NUAK1: variants seen among roughly 807,000 people sequenced by gnomAD.
NUAK1 encodes NUAK family SNF1-like kinase 1.
A neutral mutation model predicts 56.9 loss-of-function variants in NUAK1; 26 were observed. The ratio of observed to expected loss-of-function variants is 0.46; its 90% CI spans 0.33 to 0.63. The LOEUF is 0.63. NUAK1 is among the 30% of genes least tolerant of loss of function. The pLI is 0.02. For missense variants in NUAK1, 727 were observed against 876.1 expected (o/e 0.83, Z 2.15); for synonymous variants, 337 against 336.0 (o/e 1.00, Z -0.03).
At position 106,121,117 on chromosome 12, in the gene NUAK1, G is replaced by A. The variant is rs779972120; in HGVS notation, c.241-14592C>T. Among the ~76,000 whole-genome samples, 172 of 152,282 alleles carry A rather than the reference G, an allele frequency of 1.1e-3. 1 individual carries two copies. Among genetic ancestry groups the A allele is most frequent in the Non-Finnish European group, 8.7e-4 (59 of 68,026 alleles). On this transcript the variant is annotated intron_variant, in intron 1 of 6. Coordinates refer to ENST00000261402, the MANE Select transcript of NUAK1 (RefSeq NM_014840.3). ...CAGGCCTGAGAACTAGCCACATAGC[G>A]GAAAGAACCCACAGCGGGGTCAGGC...
At chr12:106,085,335 T>G (rs957958680) in intron 3 of NUAK1, among the ~76,000 whole-genome samples, 1 of 152,270 alleles carries the variant, frequency 6.6e-6, no homozygotes, top group African/African-American at 2.4e-5. Context: ...GAGCACATTT[T>G]GAGTCAACAA....
intron 2 of NUAK1, among the ~76,000 whole-genome samples, chr12:106,102,793 G>A (rs7313845): frequency 0.036 from 5,542 of 152,298 alleles, 354 homozygotes; most frequent in African/African-American, 0.13. Context: ...TACCCCAAGT[G>A]TTGTGCCTAG....
At chr12:106,074,075 G>A (rs57805136) in intron 4 of NUAK1, among the ~76,000 whole-genome samples, 2,972 of 151,792 alleles carry the variant, frequency 0.02, 103 homozygotes, top group African/African-American at 0.069. Context: ...ATATATATTT[G>A]CTTTCCCTAC....
chr12:106,099,936 A>G (rs2032731457), intron 2 of NUAK1, among the ~76,000 whole-genome samples: 1 of 151,398 alleles, frequency 6.6e-6, no homozygotes, highest in Non-Finnish European at 1.5e-5. Context: ...GACCACAGGC[A>G]TGCACCATCA....
chr12:106,072,799 G>A lies in NUAK1; in HGVS notation c.624C>T (p.Phe208=). The A allele has an allele frequency of 1.2e-6, 2 of 1,613,984 alleles. No individual in the cohort carries two copies. Among genetic ancestry groups the A allele is most frequent in the Non-Finnish European group, 8.5e-7 (1 of 1,179,964 alleles). ...GTGGACTCCCACAAAACGTTTGTAA[G>A]AACTTATCCTTCTGGTACAGGTTGG... ...GLSNLYQKDK[F]LQTFCGSPLY... The change falls in exon 5 of 7, where the codon TTC becomes TTT. Residue 208 remains phenylalanine, a synonymous_variant. Transcript: ENST00000261402.
intron 1 of NUAK1, among the ~76,000 whole-genome samples, chr12:106,107,593 A>T (rs949333329): frequency 6.6e-6 from 1 of 152,216 alleles, no homozygotes; most frequent in Non-Finnish European, 1.5e-5. Flanking sequence ...TGGATTATAA[A>T]GGCATACAGT....
chr12:106,075,435 G>A (rs2032454233), intron 4 of NUAK1, among the ~76,000 whole-genome samples: 2 of 152,086 alleles, frequency 1.3e-5, no homozygotes, highest in Admixed American at 1.3e-4. Context: ...AATGGCCACT[G>A]GTTATGAAAC....
At chr12:106,079,544 T>G (rs181451685) in intron 4 of NUAK1, among the ~76,000 whole-genome samples, 14 of 152,118 alleles carry the variant, frequency 9.2e-5, no homozygotes, top group Admixed American at 3.9e-4. Context: ...CAAAAAGGAA[T>G]GAGCAGAGCA....
At chr12:106,097,508 A>G (rs2032706909) in intron 2 of NUAK1, among the ~76,000 whole-genome samples, 1 of 152,246 alleles carries the variant, frequency 6.6e-6, no homozygotes, top group African/African-American at 2.4e-5. Flanking sequence ...CAGTTCAGCC[A>G]TTCCCTGCCT....
Position 106,128,073 on chromosome 12 carries a change from T to C in NUAK1, c.240+10341A>G, listed in dbSNP as rs149305313. Among the ~76,000 whole-genome samples, 138 of 152,208 alleles carry C rather than the reference T, an allele frequency of 9.1e-4. 1 individual carries two copies. In the East Asian group the frequency reaches 0.016, roughly 18 times the overall value. ...CACAGTTGATTATCTCAAGGTTACA[T>C]TGGAGGTTCATGTTCTTTCAAACCC... On this transcript the variant is annotated intron_variant, in intron 1 of 6. Coordinates refer to ENST00000261402, the MANE Select transcript of NUAK1 (RefSeq NM_014840.3).
chr12:106,094,966 T>A (rs979412419), intron 2 of NUAK1, among the ~76,000 whole-genome samples: 5 of 152,096 alleles, frequency 3.3e-5, no homozygotes, highest in African/African-American at 1.2e-4. Context: ...GACTCCACCC[T>A]CCTTCCACAA....
At position 106,138,949 on chromosome 12, in the gene NUAK1, G is replaced by A. The variant is rs892844994; in HGVS notation, c.-296C>T. The A allele has an allele frequency of 6.8e-6, 2 of 295,242 alleles. No individual in the cohort carries two copies. The highest frequency in any genetic ancestry group is 1.2e-5 in the Non-Finnish European group (2 of 162,128). The allele number at this position is 295,242 out of a possible 1,614,324, so 18.3% of individuals were successfully genotyped here. A position where few individuals can be genotyped will look rare whatever the true frequency, so the allele number is the denominator to read the frequency against. The stretch of plus-strand genomic sequence containing the variant: ...GGTGGTGTTTGCAGGAGGGAGGGGA[G>A]AGGGTGGCTCGCAGCGCAGGAGGGG... On this transcript the variant is annotated 5_prime_UTR_variant, in exon 1 of 7. Transcript: ENST00000261402. The surrounding 1 kb of genome is among the most constrained non-coding windows in gnomAD (Gnocchi z 5.0).
At chr12:106,130,751 T>G (rs182693425) in intron 1 of NUAK1, among the ~76,000 whole-genome samples, 8 of 152,226 alleles carry the variant, frequency 5.3e-5, no homozygotes, top group Non-Finnish European at 1.2e-4. Context: ...TGTATCCACC[T>G]GGAGGAGGCC....
chr12:106,125,084 G>C (rs770745373), intron 1 of NUAK1, among the ~76,000 whole-genome samples: 3 of 152,124 alleles, frequency 2.0e-5, no homozygotes, highest in Non-Finnish European at 4.4e-5. Context: ...GGCCCAGAGC[G>C]CTCATCTTAC....
intron 6 of NUAK1, 130 bp from the exon 7 acceptor site, chr12:106,068,085 G>A: frequency 1.2e-6 from 1 of 825,826 alleles, no homozygotes; most frequent in Non-Finnish European, 1.8e-6. Flanking sequence ...ACCTGGTCCA[G>A]CCACATTATG....
chr12:106,067,611 T>G lies in NUAK1; in HGVS notation c.1177A>C (p.Ser393Arg). 1.9e-6 allele frequency: 3 copies of G among 1,614,210 alleles called. No homozygotes were observed. The African/African-American group carries it at 4.0e-5, about 22-fold the overall frequency. Residue 393 changes from serine (S) to arginine (R), a missense_variant, in exon 7 of 7, where the codon AGT (serine) becomes CGT (arginine). Ser to Arg is a moderately radical substitution (Grantham distance 110). Transcript: ENST00000261402. The surrounding 1 kb of genome is among the most constrained non-coding windows in gnomAD (Gnocchi z 6.0). ...AGGATCCCCTTGGGCCTCTTAGAAC[T>G]CAACTTGGATGGGCTTTCAGGCACT... The part of the protein sequence containing the change: ...DAVPESPSKL[S>R]SKRPKGILKK...
intron 4 of NUAK1, among the ~76,000 whole-genome samples, chr12:106,077,807 T>C (rs1025583595): frequency 3.3e-5 from 5 of 152,220 alleles, no homozygotes; most frequent in African/African-American, 1.2e-4. Context: ...ACATTAGCCA[T>C]TCTAAGCCTG....
chr12:106,125,585 T>G (rs962192264), intron 1 of NUAK1, among the ~76,000 whole-genome samples: 2 of 152,174 alleles, frequency 1.3e-5, no homozygotes, highest in African/African-American at 4.8e-5. Flanking sequence ...CACACACTGA[T>G]CACTCAATGA....
chr12:106,077,993 A>T (rs971897870), intron 4 of NUAK1, among the ~76,000 whole-genome samples: 5 of 152,242 alleles, frequency 3.3e-5, no homozygotes, highest in African/African-American at 1.2e-4. Flanking sequence ...TGAGTCTCAG[A>T]TTCCTTTGTT....
Sources: gnomAD v4.1 joint callset for allele counts (sites outside exome capture counted in the v4.1 genomes callset) on GRCh38, gnomAD v4.1.1 for gene constraint, Gnocchi (gnomAD v3.1) non-coding constraint, MANE v1.5 for transcripts, NCBI Gene and HGNC (gene_info 2026-07-23, HGNC 2026-07-21) for gene names.